Variants in PAM observed in about 807,000 individuals in gnomAD.
The protein encoded by PAM is peptidylglycine alpha-amidating monooxygenase.
In PAM, 72 loss-of-function variants were observed where a neutral mutation model predicts 122.1. The ratio of observed to expected loss-of-function variants is 0.59; its 90% confidence interval spans 0.49 to 0.72. The LOEUF (loss-of-function observed/expected upper bound fraction) is 0.72, where lower values mean the gene tolerates loss of function less well. Ranked by LOEUF, PAM falls within the 30% of genes least tolerant of loss-of-function variation. PAM has a pLI of 0.00. For missense variants in PAM, 1,106 were observed against 1,183.7 expected (o/e 0.93, Z 0.96); for synonymous variants, 389 against 404.4 (o/e 0.96, Z 0.46).
intron 7 of PAM, among the ~76,000 whole-genome samples, chr5:102,930,334 G>A (rs1001804547): frequency 1.3e-5 from 2 of 152,064 alleles, no homozygotes; most frequent in Non-Finnish European, 2.9e-5. Context: ...AGACAGGAGC[G>A]TACAAGTATA....
chr5:102,842,910 G>T (rs914139573), intron 1 of PAM, among the ~76,000 whole-genome samples: 1 of 152,152 alleles, frequency 6.6e-6, no homozygotes, highest in Non-Finnish European at 1.5e-5. Flanking sequence ...TGGTAAATTC[G>T]CCATAATCTA....
chr5:102,991,043 G>A (rs1304699436), intron 16 of PAM, among the ~76,000 whole-genome samples: 1 of 152,126 alleles, frequency 6.6e-6, no homozygotes, highest in Non-Finnish European at 1.5e-5. Flanking sequence ...CCTCCTTAGA[G>A]GGATTTTTAG....
chr5:103,019,747 T>A (rs1321486782), intron 22 of PAM, 43 bp from the exon 23 acceptor site: 1 of 1,307,948 alleles, frequency 7.6e-7, no homozygotes, highest in Non-Finnish European at 1.1e-6. Flanking sequence ...AATGTTCTTT[T>A]TGGAGATTCT....
intron 15 of PAM, among the ~76,000 whole-genome samples, chr5:102,976,346 C>T (rs555261110): frequency 6.6e-6 from 1 of 152,002 alleles, no homozygotes; most frequent in African/African-American, 2.4e-5. Context: ...TAACTTTAAT[C>T]GATGCTGTTT....
At chr5:102,949,715 A>C in intron 10 of PAM, 98 bp downstream of exon 10, 1 of 760,376 alleles carries the variant, frequency 1.3e-6, no homozygotes, top group Non-Finnish European at 2.3e-6. Flanking sequence ...GTCTGTTTCA[A>C]TGAAAGTGAT....
At chr5:102,961,731 A>T (rs1190799084) in intron 14 of PAM, among the ~76,000 whole-genome samples, 1 of 151,884 alleles carries the variant, frequency 6.6e-6, no homozygotes, top group Non-Finnish European at 1.5e-5. Context: ...TTTTGTGTTA[A>T]GTTGCCATCT....
intron 12 of PAM, among the ~76,000 whole-genome samples, chr5:102,956,599 T>C (rs1455088818): frequency 2.0e-5 from 3 of 152,104 alleles, no homozygotes; most frequent in Admixed American, 6.6e-5. Flanking sequence ...CTATTTCTAA[T>C]ATAGTAATTG....
downstream of PAM, chr5:103,030,635 A>G (rs544458633): frequency 3.9e-5 from 6 of 152,324 alleles, no homozygotes; most frequent in South Asian, 4.1e-4. Flanking sequence ...ACTTCAGGCA[A>G]TCTTTCCACT....
At chr5:102,993,329 C>T (rs554254727) in intron 16 of PAM, among the ~76,000 whole-genome samples, 25 of 152,192 alleles carry the variant, frequency 1.6e-4, no homozygotes, top group African/African-American at 5.8e-4. Flanking sequence ...GCTTTTGCCT[C>T]AGTAATAACT....
At chr5:102,805,688 A>G (rs1304613324) in intron 1 of PAM, among the ~76,000 whole-genome samples, 2 of 152,228 alleles carry the variant, frequency 1.3e-5, no homozygotes, top group Non-Finnish European at 2.9e-5. Flanking sequence ...AATTCAAGAA[A>G]TAGTTTATGA....
At position 103,028,227 on chromosome 5, in the gene PAM, G is replaced by A; in HGVS notation, c.2732G>A (p.Gly911Glu). The A allele has an allele frequency of 1.2e-6, 2 of 1,610,450 alleles. No homozygotes were observed. Among genetic ancestry groups the A allele is most frequent in the Non-Finnish European group, 1.7e-6 (2 of 1,176,850 alleles). The change falls in exon 25 of 26, where the codon GGA (glycine) becomes GAA (glutamate). Residue 911 changes from glycine (G) to glutamate (E), a missense_variant. Physicochemically the swap from Gly to Glu is moderately conservative, Grantham distance 98. Around this residue, in one of 3 missense-constraint regions of PAM, gnomAD observed 333 missense variants for 335.6 expected, o/e 0.99. Transcript: ENST00000438793. ...KLETSSGRVL[G>E]RFRGKGSGGL... ...GAGACGAGTTCAGGAAGAGTACTGG[G>A]AAGATTTAGAGGTATGCCTATGACC... is the stretch of plus-strand genomic sequence containing the variant.
intron 1 of PAM, among the ~76,000 whole-genome samples, chr5:102,758,660 A>G (rs1235198881): frequency 1.3e-5 from 2 of 152,156 alleles, no homozygotes; most frequent in African/African-American, 4.8e-5. Flanking sequence ...TAAGGCCTTC[A>G]TTTTATCTGG....
chr5:102,804,455 TAACTGGATTTAAGGGTGATGGGGAGTTAC>T (rs1306700398), intron 1 of PAM, among the ~76,000 whole-genome samples: 1 of 152,214 alleles, frequency 6.6e-6, no homozygotes. Context: ...ATTTGGTTGC[TAACTGGATTTAAGGGTGATGGGGAGTTAC>T]AACCCTTTTG....
intron 11 of PAM, among the ~76,000 whole-genome samples, chr5:102,950,416 G>GGGTATGTGTGTGTGTGTGTGTGTGTGT (rs372626572): frequency 1.4e-5 from 2 of 145,966 alleles, no homozygotes; most frequent in African/African-American, 2.6e-5. Context: ...TATGTGGGTG[G>GGGTATGTGTGTGTGTGTGTGTGTGTGT]GTGTGTGTGT....
At chr5:102,937,586 G>A (rs1238557463) in intron 7 of PAM, among the ~76,000 whole-genome samples, 1 of 152,074 alleles carries the variant, frequency 6.6e-6, no homozygotes, top group Non-Finnish European at 1.5e-5. Context: ...TAAAGCACTC[G>A]TTTTTAAAAT....
intron 1 of PAM, among the ~76,000 whole-genome samples, chr5:102,817,605 T>A (rs1453771590): frequency 2.0e-5 from 3 of 152,166 alleles, no homozygotes; most frequent in Non-Finnish European, 4.4e-5. Context: ...TGGTTCACAT[T>A]ATATTTTTAT....
At chr5:102,899,075 T>G (rs965957305) in intron 3 of PAM, among the ~76,000 whole-genome samples, 1 of 141,860 alleles carries the variant, frequency 7.0e-6, no homozygotes, top group Non-Finnish European at 1.6e-5. Context: ...TTCCCTCCCC[T>G]ACCCTCCCTT....
intron 1 of PAM, among the ~76,000 whole-genome samples, chr5:102,782,475 GA>G (rs939488773): frequency 1.3e-5 from 2 of 152,104 alleles, no homozygotes; most frequent in African/African-American, 4.8e-5. Context: ...AGAGGAGAAG[GA>G]AAAAACTTGG....
At chr5:103,006,690 A>G in intron 18 of PAM, 111 bp from the exon 19 acceptor site, 2 of 712,164 alleles carry the variant, frequency 2.8e-6, no homozygotes, top group Non-Finnish European at 5.0e-6. Context: ...CTTTTAAATA[A>G]GTCTCTGGGA....
Sources: allele counts gnomAD v4.1 joint callset (sites outside exome capture counted in the v4.1 genomes callset), GRCh38; gene constraint gnomAD v4.1.1; regional missense constraint gnomAD v4.1.1; transcripts MANE v1.5; gene names NCBI Gene and HGNC (gene_info 2026-07-23, HGNC 2026-07-21).